The following NGEF variants were observed in gnomAD, a reference collection of about 807,000 sequenced individuals.
NGEF encodes the protein neuronal guanine nucleotide exchange factor, also known as ephexin-1.
Under a neutral mutation model 80.9 loss-of-function variants are expected in NGEF, and 31 were observed. The observed-to-expected ratio is 0.38, with a 90% CI of 0.29 to 0.52. NGEF has a LOEUF of 0.52. NGEF is among the 20% of genes least tolerant of loss of function. The pLI is 0.84. For synonymous variants in NGEF, 371 were observed against 370.2 expected, an observed-to-expected ratio of 1.00 and a Z score of -0.03; for missense variants, 709 against 926.2, an observed-to-expected ratio of 0.77 and a Z score of 3.04.
chr2:232,885,416 C>G (rs368941020), intron 9 of NGEF, 47 bp from the exon 10 acceptor site: 9 of 1,524,992 alleles, frequency 5.9e-6, no homozygotes, highest in Admixed American at 5.0e-5. Flanking sequence ...CCGGCTGTCC[C>G]GGCCCCTTCC....
At chr2:232,948,911 A>C (rs534128615) in intron 3 of NGEF, among the ~76,000 whole-genome samples, 20 of 152,128 alleles carry the variant, frequency 1.3e-4, no homozygotes, top group African/African-American at 4.6e-4. Context: ...CCAGCTGCTC[A>C]GGAGGCTGAG....
At chr2:232,886,501 G>T (rs538529318) in intron 9 of NGEF, among the ~76,000 whole-genome samples, 1 of 152,234 alleles carries the variant, frequency 6.6e-6, no homozygotes, top group Admixed American at 6.5e-5. Flanking sequence ...GCAGCCTGTC[G>T]GCAGGGAGGG....
chr2:232,885,859 A>G (rs1691661843), intron 9 of NGEF, among the ~76,000 whole-genome samples: 1 of 152,228 alleles, frequency 6.6e-6, no homozygotes, highest in Admixed American at 6.5e-5. Context: ...ATAAATGAGC[A>G]CCATGTCCAG....
At chr2:232,968,695 G>T (rs551780040) in intron 3 of NGEF, among the ~76,000 whole-genome samples, 2 of 152,186 alleles carry the variant, frequency 1.3e-5, no homozygotes, top group Non-Finnish European at 2.9e-5. Context: ...ATGAGCCACT[G>T]CGCCTGGCCC....
rs1491100110 is a variant in NGEF at position 232,883,081 on chromosome 2, ACG to A, written c.1757+228_1757+229del. Among the ~76,000 whole-genome samples the A allele has an allele frequency of 5.2e-3, 734 of 141,554 alleles. 7 individuals are homozygous for A. Among genetic ancestry groups the A allele is most frequent in the African/African-American group, 0.021 (704 of 33,796 alleles). The allele number at this position is 141,554 out of a possible 152,430, so 92.9% of individuals were successfully genotyped here. A position where few individuals can be genotyped will look rare whatever the true frequency, so the allele number is the denominator to read the frequency against. On this transcript the variant is annotated intron_variant, in intron 12 of 14. Transcript: ENST00000264051. The stretch of plus-strand genomic sequence containing the variant: ...CACACACACACACACACACACACAC[ACG>A]CACACACGCACACACGTACACGCGT...
chr2:232,920,310 G>C lies in NGEF; in HGVS notation c.802C>G (p.Gln268Glu), dbSNP rs375169428. ...TCCTGCAGCTTAATCTCCTCGGGCTGTAGGATCTCAAGCACCCCGCTGCTC... is the reference window on the plus strand; with the variant it reads ...TCCTGCAGCTTAATCTCCTCGGGCTCTAGGATCTCAAGCACCCCGCTGCTC... ...IRSSGVLEIL[Q>E]PEEIKLQEAM... The change falls in exon 5 of 15, where the codon CAG becomes GAG. Residue 268 changes from glutamine (Q) to glutamate (E), a missense_variant. Gln to Glu is a conservative substitution (Grantham distance 29). This residue lies in a region of NGEF where 426 missense variants were observed against 622.9 expected (regional missense o/e 0.68). Transcript: ENST00000264051. 5 of 1,613,846 alleles carry C rather than the reference G, an allele frequency of 3.1e-6. No individual in the cohort carries two copies. The African/African-American group carries it at 6.7e-5, about 22-fold the overall frequency.
intron 1 of NGEF, among the ~76,000 whole-genome samples, chr2:233,005,021 C>A (rs1180403555): frequency 6.6e-6 from 1 of 152,174 alleles, no homozygotes; most frequent in African/African-American, 2.4e-5. Flanking sequence ...TACACACGGA[C>A]CACCTTTCTC....
intron 5 of NGEF, among the ~76,000 whole-genome samples, chr2:232,897,000 G>T (rs1373907412): frequency 7.6e-6 from 1 of 131,258 alleles, no homozygotes; most frequent in Non-Finnish European, 1.6e-5. Context: ...GTAGGGGTGC[G>T]GGTGAGGGTA....
intron 3 of NGEF, among the ~76,000 whole-genome samples, chr2:232,943,788 C>T (rs1400861992): frequency 6.6e-6 from 1 of 150,906 alleles, no homozygotes; most frequent in African/African-American, 2.4e-5. Flanking sequence ...AGCCACTGTG[C>T]CCGGCCCGGA....
chr2:232,974,970 G>A lies in NGEF; in HGVS notation c.-74-6C>T, dbSNP rs1388105586. On this transcript the variant is annotated splice_polypyrimidine_tract_variant and splice_region_variant and intron_variant, in intron 1 of 14. Coordinates refer to ENST00000264051, the MANE Select transcript of NGEF (RefSeq NM_019850.3). ...AAGCTTCACTGGTTTGAGTGCTTTAGAATAGATAGAAAACAATTTTCAGTT... is the reference window on the plus strand; with the variant it reads ...AAGCTTCACTGGTTTGAGTGCTTTAAAATAGATAGAAAACAATTTTCAGTT... 1.4e-6 allele frequency: 2 copies of A among 1,429,394 alleles called. No individual in the cohort carries two copies. The highest frequency in any genetic ancestry group is 4.4e-5 in the Admixed American group (2 of 45,012). The allele number at this position is 1,429,394 out of a possible 1,614,324, so 88.5% of individuals were successfully genotyped here. A position where few individuals can be genotyped will look rare whatever the true frequency, so the allele number is the denominator to read the frequency against.
chr2:232,882,157 T>C (rs368117136), intron 13 of NGEF, 29 bp downstream of exon 13: 2 of 1,605,588 alleles, frequency 1.2e-6, no homozygotes, highest in Middle Eastern at 1.7e-4. Flanking sequence ...CAAGGACAAA[T>C]GGCGCCCCCT....
At position 232,892,218 on chromosome 2, in the gene NGEF, G is replaced by A. The variant is rs1691906086; in HGVS notation, c.1142+680C>T. Among the ~76,000 whole-genome samples the A allele has an allele frequency of 6.6e-6, 1 of 151,948 alleles. No individual in the cohort carries two copies. Among genetic ancestry groups the A allele is most frequent in the African/African-American group, 2.4e-5 (1 of 41,336 alleles). On this transcript the variant is annotated intron_variant, in intron 7 of 14. Transcript: ENST00000264051. This position sits in a 1 kb window ranked among gnomAD's most constrained non-coding sequence, Gnocchi z 4.0. ...AACATCCAAATGCCCAAAGACTCAG[G>A]CTTGAAACGTGCACCATGAACTCCA...
At chr2:232,969,033 C>T (rs1049234543) in intron 3 of NGEF, among the ~76,000 whole-genome samples, 4 of 152,154 alleles carry the variant, frequency 2.6e-5, no homozygotes, top group Non-Finnish European at 4.4e-5. Flanking sequence ...ACACAACGGC[C>T]AAATAGATCT....
At chr2:232,995,981 G>C (rs1191771747) in intron 1 of NGEF, among the ~76,000 whole-genome samples, 1 of 151,790 alleles carries the variant, frequency 6.6e-6, no homozygotes, top group Admixed American at 6.6e-5. Context: ...GCGTAAAACT[G>C]AATGGGGGAT....
At chr2:232,977,972 G>T (rs985615922) in intron 1 of NGEF, among the ~76,000 whole-genome samples, 1 of 152,166 alleles carries the variant, frequency 6.6e-6, no homozygotes, top group Admixed American at 6.5e-5. Context: ...CCTGGTCTGG[G>T]AAGCAGGAGT....
At chr2:232,982,124 A>G (rs1694442646) in intron 1 of NGEF, among the ~76,000 whole-genome samples, 1 of 152,180 alleles carries the variant, frequency 6.6e-6, no homozygotes, top group African/African-American at 2.4e-5. Flanking sequence ...TTTCAGCTTC[A>G]GCCCAGCAGG....
At chr2:232,955,146 G>T (rs1398760823) in intron 3 of NGEF, among the ~76,000 whole-genome samples, 1 of 152,052 alleles carries the variant, frequency 6.6e-6, no homozygotes, top group East Asian at 1.9e-4. Flanking sequence ...GATATTAATT[G>T]TTTTTTACAT....
intron 3 of NGEF, among the ~76,000 whole-genome samples, chr2:232,968,268 A>G (rs1176825574): frequency 6.6e-6 from 1 of 150,836 alleles, no homozygotes; most frequent in Non-Finnish European, 1.5e-5. Context: ...TTGTATTTTT[A>G]GTAGAGATGG....
At chr2:232,883,585 CCTT>C (rs1407560032) in intron 11 of NGEF, 119 bp from the exon 12 acceptor site, 1 of 1,036,946 alleles carries the variant, frequency 9.6e-7, no homozygotes, top group African/African-American at 1.6e-5. Flanking sequence ...ATCTTCACCT[CCTT>C]CTGAAGCTTC....
Sources: gnomAD v4.1 joint callset for allele counts (sites outside exome capture counted in the v4.1 genomes callset) on GRCh38, gnomAD v4.1.1 for gene constraint, gnomAD v4.1.1 regional missense constraint, Gnocchi (gnomAD v3.1) non-coding constraint, MANE v1.5 for transcripts, NCBI Gene and HGNC (gene_info 2026-07-23, HGNC 2026-07-21) for gene names.